PCNX2: variants seen among roughly 807,000 people sequenced by gnomAD.
PCNX2 encodes pecanex 2, also known as pecanex-like protein 2.
Under a neutral mutation model 223.8 loss-of-function variants are expected in PCNX2, and 168 were observed. That is an observed-to-expected ratio of 0.75 (90% CI 0.66 to 0.85). The LOEUF (loss-of-function observed/expected upper bound fraction) is 0.85, where lower values mean the gene tolerates loss of function less well. Among genes scored for constraint, PCNX2 ranks in the 40% least tolerant of loss-of-function variants. PCNX2 has a pLI of 0.00. For missense variants in PCNX2, 2,507 were observed against 2,675.5 expected, an observed-to-expected ratio of 0.94 and a Z score of 1.39; for synonymous variants, 1,006 against 1,052.6, an observed-to-expected ratio of 0.96 and a Z score of 0.86.
intron 10 of PCNX2, among the ~76,000 whole-genome samples, chr1:233,222,022 A>G (rs1433018408): frequency 1.3e-5 from 2 of 152,242 alleles, no homozygotes; most frequent in African/African-American, 4.8e-5. Flanking sequence ...GTATCAACAA[A>G]AAAGTTCAGT....
chr1:233,161,128 G>T, intron 18 of PCNX2, 143 bp downstream of exon 18: 1 of 673,224 alleles, frequency 1.5e-6, no homozygotes, highest in Non-Finnish European at 2.6e-6. Context: ...ACAGTACATG[G>T]ATTCATTCCC....
chr1:233,000,346 T>C lies in PCNX2; in HGVS notation c.5287A>G (p.Ile1763Val). The change falls in exon 30 of 34, where the codon ATC becomes GTC. Residue 1763 changes from isoleucine to valine, a missense_variant. Physicochemically the swap from Ile to Val is conservative, Grantham distance 29. Around this residue, in one of 3 missense-constraint regions of PCNX2, gnomAD observed 1,372 missense variants for 1,509.4 expected, o/e 0.91. Coordinates refer to ENST00000258229, the MANE Select transcript of PCNX2 (RefSeq NM_014801.4). This position sits in a 1 kb window ranked among gnomAD's most constrained non-coding sequence, Gnocchi z 4.6. ...VDEGADEYKV[I>V]MLHRSFLSFK... ...CTCAGGAAGCTTCTGTGGAGCATGA[T>C]GACCTTGTACTCGTCGGCACCCTCG... The C allele has an allele frequency of 2.5e-6, 4 of 1,613,920 alleles. No individual in the cohort carries two copies. The highest frequency in any genetic ancestry group is 3.4e-6 in the Non-Finnish European group (4 of 1,179,810).
At position 232,984,174 on chromosome 1, in the gene PCNX2, T is replaced by C; in HGVS notation, c.*130A>G. On this transcript the variant is annotated 3_prime_UTR_variant, in exon 34 of 34. Transcript: ENST00000258229. ...TCAGTTCTGTGTTCTGGAACAGCTC[T>C]CCTTTTCCACAGGAGGAGTCCCTCA... 1 of 434,314 alleles carries C rather than the reference T, an allele frequency of 2.3e-6. No homozygotes were observed. Among genetic ancestry groups the C allele is most frequent in the Non-Finnish European group, 3.5e-6 (1 of 284,036 alleles). The allele number at this position is 434,314 out of a possible 1,614,324, so 26.9% of individuals were successfully genotyped here. A position where few individuals can be genotyped will look rare whatever the true frequency, so the allele number is the denominator to read the frequency against.
intron 1 of PCNX2, among the ~76,000 whole-genome samples, chr1:233,281,584 T>C (rs1048987479): frequency 1.3e-5 from 2 of 152,190 alleles, no homozygotes; most frequent in African/African-American, 4.8e-5. Flanking sequence ...TTTCCCATGA[T>C]AGAAAAAAAT....
At chr1:233,112,719 TAA>T in intron 21 of PCNX2, 3 of 687,712 alleles carry the variant, frequency 4.4e-6, no homozygotes, top group Non-Finnish European at 5.6e-6. Context: ...TTGAACAATA[TAA>T]CTAAATTCAC....
At chr1:233,217,969 A>G (rs1393026107) in intron 11 of PCNX2, 38 bp from the exon 12 acceptor site, 1 of 1,612,914 alleles carries the variant, frequency 6.2e-7, no homozygotes, top group Non-Finnish European at 8.5e-7. Context: ...TCATCATCTC[A>G]TGATTTCAAG....
At chr1:233,003,051 C>T (rs1670145040) in intron 28 of PCNX2, among the ~76,000 whole-genome samples, 1 of 152,158 alleles carries the variant, frequency 6.6e-6, no homozygotes, top group Non-Finnish European at 1.5e-5. Context: ...CCATAAAAAT[C>T]TTAGAAGAAA....
At chr1:233,161,419 T>C in intron 17 of PCNX2, 56 bp from the exon 18 acceptor site, 2 of 1,449,414 alleles carry the variant, frequency 1.4e-6, no homozygotes, top group Non-Finnish European at 1.9e-6. Context: ...AGCAACTCTG[T>C]GTAACCAGGT....
intron 23 of PCNX2, among the ~76,000 whole-genome samples, chr1:233,062,623 A>G (rs1184238478): frequency 6.6e-6 from 1 of 152,164 alleles, no homozygotes; most frequent in Non-Finnish European, 1.5e-5. Flanking sequence ...GCACTTGCCT[A>G]ATGCTTTCAC....
In PCNX2 at chr1:232,987,496, G is replaced by A. The variant is rs555411048; in HGVS notation, c.5792-956C>T. Among the ~76,000 whole-genome samples, 188 of 152,256 alleles carry A rather than the reference G, an allele frequency of 1.2e-3. 1 individual carries two copies. Among genetic ancestry groups the A allele is most frequent in the African/African-American group, 4.4e-3 (182 of 41,546 alleles). ...CTAGTGACATCATGGTTCTATGAAC[G>A]GCATCATGGGCATATCCCTGCAGCT... On this transcript the variant is annotated intron_variant, in intron 32 of 33. Transcript: ENST00000258229.
At chr1:233,208,486 T>C (rs781199399) in intron 13 of PCNX2, 32 bp downstream of exon 13, 2 of 1,556,184 alleles carry the variant, frequency 1.3e-6, no homozygotes, top group Non-Finnish European at 1.8e-6. Flanking sequence ...CCAACCCCCA[T>C]ATTCTTCCCC....
upstream of PCNX2, among the ~76,000 whole-genome samples, chr1:233,295,998 C>CTTTTTTTTTTTTTTTTTT (rs201102619): frequency 1.0e-5 from 1 of 96,884 alleles, no homozygotes; most frequent in African/African-American, 3.8e-5. The surrounding 1 kb of genome is among the most constrained non-coding windows in gnomAD (Gnocchi z 4.1). Flanking sequence ...TTCTTTCTTT[C>CTTTTTTTTTTTTTTTTTT]TTTCTTTTTT....
chr1:233,327,083 C>T, the PCNX2 span, among the ~76,000 whole-genome samples: 20 of 152,246 alleles, frequency 1.3e-4, no homozygotes, highest in African/African-American at 4.8e-4. Flanking sequence ...TGGCACCGCG[C>T]TACAATTTCT....
At chr1:233,238,535 G>T (rs934642386) in intron 8 of PCNX2, among the ~76,000 whole-genome samples, 2 of 151,500 alleles carry the variant, frequency 1.3e-5, no homozygotes, top group African/African-American at 4.8e-5. Context: ...TACAAAAATA[G>T]AAAAAAAATT....
the PCNX2 span, among the ~76,000 whole-genome samples, chr1:233,307,979 A>G: frequency 6.6e-6 from 1 of 152,364 alleles, no homozygotes; most frequent in Admixed American, 6.5e-5. Context: ...ACAGGTCACC[A>G]AAGGATGAAC....
At chr1:233,187,459 C>T (rs1680171473) in intron 15 of PCNX2, among the ~76,000 whole-genome samples, 1 of 152,120 alleles carries the variant, frequency 6.6e-6, no homozygotes, top group Admixed American at 6.5e-5. Context: ...TTTCCACCTA[C>T]CCTCTCCTCT....
At chr1:233,292,131 T>C in intron 1 of PCNX2, 1 of 730,424 alleles carries the variant, frequency 1.4e-6, no homozygotes, top group Non-Finnish European at 1.7e-6. Flanking sequence ...ATAAAAATAT[T>C]TAAAATACTC....
At chr1:233,159,108 G>A (rs543460169) in intron 19 of PCNX2, among the ~76,000 whole-genome samples, 147 of 152,202 alleles carry the variant, frequency 9.7e-4, no homozygotes, top group African/African-American at 3.5e-3. Flanking sequence ...TCTGTAGGTG[G>A]GAAGAGTAAG....
chr1:233,310,467 T>C, the PCNX2 span, among the ~76,000 whole-genome samples: 1 of 152,206 alleles, frequency 6.6e-6, no homozygotes, highest in East Asian at 1.9e-4. Context: ...TGTCCCCTTC[T>C]TGAAGAATAA....
Sources: allele counts gnomAD v4.1 joint callset (sites outside exome capture counted in the v4.1 genomes callset), GRCh38; gene constraint gnomAD v4.1.1; regional missense constraint gnomAD v4.1.1; non-coding constraint Gnocchi (gnomAD v3.1); transcripts MANE v1.5; gene names NCBI Gene and HGNC (gene_info 2026-07-23, HGNC 2026-07-21).